The following ITGA2 variants were observed in gnomAD, a reference collection of about 807,000 sequenced individuals.
ITGA2 encodes the protein integrin alpha-2.
ITGA2 carries 101 observed loss-of-function variants against 146.3 expected under a neutral mutation model. The observed-to-expected ratio is 0.69, with a 90% CI of 0.59 to 0.81. The LOEUF (loss-of-function observed/expected upper bound fraction) is 0.81, where lower values mean the gene tolerates loss of function less well. ITGA2 is among the 40% of genes least tolerant of loss of function. The probability of loss-of-function intolerance (pLI) is 0.00; values close to 1 mark genes in which losing one functional copy is unlikely to be tolerated. For synonymous variants in ITGA2, 477 were observed against 487.1 expected (o/e 0.98, Z 0.27); for missense variants, 1,281 against 1,402.7 (o/e 0.91, Z 1.39).
chr5:53,012,760 T>A (rs561103491), intron 1 of ITGA2, among the ~76,000 whole-genome samples: 8 of 149,608 alleles, frequency 5.3e-5, no homozygotes, highest in African/African-American at 2.0e-4. Flanking sequence ...CTCACCAGCA[T>A]GTTATTTTTT....
At chr5:53,072,808 A>G (rs1439314666) in intron 19 of ITGA2, 113 bp downstream of exon 19, 5 of 925,466 alleles carry the variant, frequency 5.4e-6, no homozygotes, top group Admixed American at 2.3e-5. Context: ...TTCATAACTC[A>G]TAAATACCTT....
At chr5:53,047,554 C>A (rs1392114955) in intron 4 of ITGA2, among the ~76,000 whole-genome samples, 1 of 152,184 alleles carries the variant, frequency 6.6e-6, no homozygotes, top group Non-Finnish European at 1.5e-5. Context: ...AGTCAGTGAA[C>A]CTCATTTGTG....
At chr5:53,077,273 C>CA (rs908861083) in intron 23 of ITGA2, among the ~76,000 whole-genome samples, 3 of 151,060 alleles carry the variant, frequency 2.0e-5, no homozygotes, top group East Asian at 1.9e-4. Flanking sequence ...AGCAATGCTG[C>CA]AAAAAAAATA....
At chr5:53,078,981 G>A in intron 24 of ITGA2, 107 bp downstream of exon 24, 1 of 735,942 alleles carries the variant, frequency 1.4e-6, no homozygotes. Context: ...AGAGATCCGT[G>A]GTTCTCAAAC....
rs200614394 is a variant in ITGA2 at position 53,086,944 on chromosome 5, T to C, written c.3259-8T>C. 2.7e-5 allele frequency: 44 copies of C among 1,607,492 alleles called. No homozygotes were observed. The highest frequency in any genetic ancestry group is 6.7e-5 in the East Asian group (3 of 44,812). On this transcript the variant is annotated splice_polypyrimidine_tract_variant and splice_region_variant and intron_variant, in intron 27 of 29. Coordinates refer to ENST00000296585, the MANE Select transcript of ITGA2 (RefSeq NM_002203.4). ...CGATAAAACATATTCCTTATTCTTA[T>C]GTTCCAGTCAACGTTCCAGACAGTA... is the stretch of plus-strand genomic sequence containing the variant.
chr5:53,067,206 A>C lies in ITGA2; in HGVS notation c.2032A>C (p.Lys678Gln). Residue 678 changes from lysine (K) to glutamine (Q), a missense_variant, in exon 16 of 30, where the codon AAA (lysine) becomes CAA (glutamine). Physicochemically the swap from Lys to Gln is moderately conservative, Grantham distance 53. Coordinates refer to ENST00000296585, the MANE Select transcript of ITGA2 (RefSeq NM_002203.4). ...CAACAAGAATGCTCAGATAATTCTC[A>C]AACTCTGCTTCAGTGCAAAGTTCAG... is the stretch of plus-strand genomic sequence containing the variant. ...LVNKNAQIIL[K>Q]LCFSAKFRPT... 1 of 1,611,736 alleles carries C rather than the reference A, an allele frequency of 6.2e-7. No homozygotes were observed. Among genetic ancestry groups the C allele is most frequent in the Non-Finnish European group, 8.5e-7 (1 of 1,178,740 alleles).
intron 12 of ITGA2, among the ~76,000 whole-genome samples, chr5:53,061,520 G>C (rs1186839306): frequency 6.6e-6 from 1 of 151,922 alleles, no homozygotes; most frequent in Non-Finnish European, 1.5e-5. Context: ...TTTTACATCT[G>C]AACCTGTCAG....
chr5:52,994,464 A>G (rs1741130717), intron 1 of ITGA2, among the ~76,000 whole-genome samples: 1 of 152,234 alleles, frequency 6.6e-6, no homozygotes, highest in Non-Finnish European at 1.5e-5. Flanking sequence ...ATGTAATGCA[A>G]GGTTGACCAA....
chr5:53,023,692 A>T (rs888636539), intron 1 of ITGA2, among the ~76,000 whole-genome samples: 2 of 152,230 alleles, frequency 1.3e-5, no homozygotes, highest in Non-Finnish European at 2.9e-5. Flanking sequence ...AAACAAGATG[A>T]ACCAAATATG....
At chr5:53,013,490 A>G (rs1195369833) in intron 1 of ITGA2, among the ~76,000 whole-genome samples, 2 of 151,580 alleles carry the variant, frequency 1.3e-5, no homozygotes, top group East Asian at 1.9e-4. Context: ...TACCAGTACC[A>G]TGTTGTTTTC....
rs1740425915 is a variant in ITGA2, at chr5:53,091,618, T to C, written c.*1019T>C. 6.6e-6 allele frequency: 1 copy of C among 152,274 alleles called. No individual in the cohort carries two copies. The highest frequency in any genetic ancestry group is 2.4e-5 in the African/African-American group (1 of 41,452). 9.4% of individuals were successfully genotyped at this position (152,274 alleles called of 1,614,324 possible). ...GACTTTCTCTCCAGCGGTCCAAAGTTATCCCCTCCTTTACCCCTCATCCAA... is the reference window on the plus strand; with the variant it reads ...GACTTTCTCTCCAGCGGTCCAAAGTCATCCCCTCCTTTACCCCTCATCCAA... On this transcript the variant is annotated 3_prime_UTR_variant, in exon 30 of 30. Coordinates refer to ENST00000296585, the MANE Select transcript of ITGA2 (RefSeq NM_002203.4).
chr5:53,005,087 T>C (rs1045729021), intron 1 of ITGA2, among the ~76,000 whole-genome samples: 1 of 151,908 alleles, frequency 6.6e-6, no homozygotes, highest in Non-Finnish European at 1.5e-5. Context: ...TTCTGAGTAA[T>C]GATGAGATAC....
intron 28 of ITGA2, 112 bp downstream of exon 28, chr5:53,087,153 T>A: frequency 1.3e-6 from 1 of 776,584 alleles, no homozygotes; most frequent in Non-Finnish European, 2.2e-6. Flanking sequence ...AGTATCTTAC[T>A]AAAACTTTAA....
At chr5:53,028,226 A>G (rs1436563502) in intron 2 of ITGA2, among the ~76,000 whole-genome samples, 1 of 152,226 alleles carries the variant, frequency 6.6e-6, no homozygotes, top group Non-Finnish European at 1.5e-5. Context: ...TGAGGAAACA[A>G]AATGAAATCA....
intron 9 of ITGA2, among the ~76,000 whole-genome samples, chr5:53,057,379 G>T (rs975691354): frequency 6.6e-6 from 1 of 151,986 alleles, no homozygotes; most frequent in Admixed American, 6.6e-5. Flanking sequence ...GAAGATTAGT[G>T]AAACGTAGCC....
chr5:52,997,348 G>A (rs1373359833), intron 1 of ITGA2, among the ~76,000 whole-genome samples: 2 of 152,166 alleles, frequency 1.3e-5, no homozygotes, highest in Admixed American at 1.3e-4. Flanking sequence ...TCTAGAGACA[G>A]TTTTTGCTAC....
intron 1 of ITGA2, among the ~76,000 whole-genome samples, chr5:53,025,770 G>T (rs1302089480): frequency 2.0e-5 from 3 of 152,204 alleles, no homozygotes; most frequent in African/African-American, 7.2e-5. Flanking sequence ...TGTCTTCAGT[G>T]TCTGCGAAGG....
At chr5:53,048,129 C>T (rs1480442510) in intron 4 of ITGA2, among the ~76,000 whole-genome samples, 1 of 152,114 alleles carries the variant, frequency 6.6e-6, no homozygotes, top group Non-Finnish European at 1.5e-5. Context: ...GACACCTGCT[C>T]CCAACAGTCT....
At chr5:52,989,623 G>C in intron 1 of ITGA2, 91 bp downstream of exon 1, 1 of 1,392,352 alleles carries the variant, frequency 7.2e-7, no homozygotes, top group Non-Finnish European at 1.0e-6. Context: ...ACTAGGGAGC[G>C]AGCTCCGTGT....
Sources: gnomAD v4.1 joint callset for allele counts (sites outside exome capture counted in the v4.1 genomes callset) on GRCh38, gnomAD v4.1.1 for gene constraint, MANE v1.5 for transcripts, NCBI Gene and HGNC (gene_info 2026-07-23, HGNC 2026-07-21) for gene names.